Variants in FMN1 observed in about 807,000 individuals in gnomAD.
FMN1 encodes the protein formin-1.
FMN1 carries 110 observed loss-of-function variants against 132.4 expected under a neutral mutation model. That is an observed-to-expected ratio of 0.83 (90% CI 0.71 to 0.97). FMN1 has a LOEUF of 0.97. Ranked by LOEUF, FMN1 falls within the 50% of genes least tolerant of loss-of-function variation. The pLI, the probability that FMN1 is intolerant of heterozygous loss-of-function variation, is 0.00. For missense variants in FMN1, 1,792 were observed against 1,705.3 expected (o/e 1.05, Z -0.90); for synonymous variants, 722 against 651.7 (o/e 1.11, Z -1.64).
chr15:32,793,884 A>T (rs2057180706), intron 19 of FMN1, among the ~76,000 whole-genome samples: 1 of 152,206 alleles, frequency 6.6e-6, no homozygotes, highest in African/African-American at 2.4e-5. Flanking sequence ...TAACAATTTT[A>T]TTTATGGAGC....
intron 9 of FMN1, among the ~76,000 whole-genome samples, chr15:32,928,238 A>G (rs1326366299): frequency 6.6e-6 from 1 of 152,194 alleles, no homozygotes; most frequent in East Asian, 1.9e-4. Flanking sequence ...TATTCGCCTT[A>G]GAAAGATTCT....
At chr15:33,179,905 T>C (rs1364361460) in intron 3 of FMN1, among the ~76,000 whole-genome samples, 1 of 152,166 alleles carries the variant, frequency 6.6e-6, no homozygotes, top group Non-Finnish European at 1.5e-5. Context: ...TCTTCTGCCT[T>C]GAGTGACTAG....
chr15:32,787,549 T>C (rs1258835753), intron 19 of FMN1, among the ~76,000 whole-genome samples: 1 of 152,198 alleles, frequency 6.6e-6, no homozygotes, highest in African/African-American at 2.4e-5. Flanking sequence ...CACCAGAATT[T>C]AGCCTTTAAA....
At chr15:32,850,319 C>A (rs1359371361) in intron 17 of FMN1, among the ~76,000 whole-genome samples, 2 of 151,586 alleles carry the variant, frequency 1.3e-5, no homozygotes, top group African/African-American at 4.9e-5. Context: ...ATGTAATAAC[C>A]TGCTCTTATT....
chr15:33,178,908 C>G (rs1965605602), intron 3 of FMN1, among the ~76,000 whole-genome samples: 1 of 152,198 alleles, frequency 6.6e-6, no homozygotes, highest in African/African-American at 2.4e-5. Flanking sequence ...TTGTCACCAT[C>G]TTTGTATTCC....
Position 33,017,488 on chromosome 15 carries a change from T to C in FMN1, c.2162-9413A>G, listed in dbSNP as rs920225792. Among the ~76,000 whole-genome samples the C allele has an allele frequency of 1.1e-4, 16 of 152,124 alleles. No individual in the cohort carries two copies. In the South Asian group the frequency reaches 3.3e-3, roughly 32 times the overall value. ...CTCTAAAAATAGTTGATTTTTTTTTTCAAAAAAGAAGTGAATTATCAGTGA... is the reference window on the plus strand; with the variant it reads ...CTCTAAAAATAGTTGATTTTTTTTTCCAAAAAAGAAGTGAATTATCAGTGA... On this transcript the variant is annotated intron_variant, in intron 6 of 20. Transcript: ENST00000616417.
chr15:32,846,871 A>G lies in FMN1; in HGVS notation c.3928+10144T>C, dbSNP rs532399243. On this transcript the variant is annotated intron_variant, in intron 17 of 20. Transcript: ENST00000616417. ...TGGTACATATATACCATGGAATACT[A>G]TGCAACCATAAAAAAGGATGAGTTC... Among the ~76,000 whole-genome samples the G allele has an allele frequency of 2.0e-4, 31 of 152,362 alleles. No individual in the cohort carries two copies. In the South Asian group the frequency reaches 2.5e-3, roughly 12 times the overall value.
At position 33,154,370 on chromosome 15, in the gene FMN1, C is replaced by G; in HGVS notation, c.545G>C (p.Arg182Pro). The G allele has an allele frequency of 3.3e-6, 5 of 1,536,158 alleles. No individual in the cohort carries two copies. The highest frequency in any genetic ancestry group is 4.4e-6 in the Non-Finnish European group (5 of 1,146,932). ...LPQKRTKRKG[R>P]GGRESAPLMG... ...CAGAGGAGCTGATTCTCGGCCTCCACGCCCTTTTCTTTTGGTCCTCTTCTG... is the reference window on the plus strand; with the variant it reads ...CAGAGGAGCTGATTCTCGGCCTCCAGGCCCTTTTCTTTTGGTCCTCTTCTG... Residue 182 changes from arginine to proline, a missense_variant, in exon 4 of 21, where the codon CGT (arginine) becomes CCT (proline). Arg to Pro is a moderately radical substitution (Grantham distance 103). This residue lies in a region of FMN1 where 638 missense variants were observed against 645.2 expected (regional missense o/e 0.99). Transcript: ENST00000616417.
intron 20 of FMN1, among the ~76,000 whole-genome samples, chr15:32,775,618 C>T (rs887321680): frequency 7.2e-5 from 11 of 152,270 alleles, no homozygotes; most frequent in Admixed American, 5.9e-4. Context: ...AGGACATGTC[C>T]GGTTAGGTAG....
chr15:32,849,009 A>C (rs1262478476), intron 17 of FMN1, among the ~76,000 whole-genome samples: 1 of 124,106 alleles, frequency 8.1e-6, no homozygotes, highest in African/African-American at 3.0e-5. Flanking sequence ...TCAGAGACAG[A>C]GTCTCACTCT....
At chr15:32,844,735 C>G (rs969783040) in intron 17 of FMN1, among the ~76,000 whole-genome samples, 1 of 152,212 alleles carries the variant, frequency 6.6e-6, no homozygotes, top group African/African-American at 2.4e-5. Context: ...TTATTTGCCA[C>G]TTGAACTTGG....
intron 4 of FMN1, among the ~76,000 whole-genome samples, chr15:33,134,233 G>C (rs1166671642): frequency 6.6e-6 from 1 of 152,184 alleles, no homozygotes; most frequent in Non-Finnish European, 1.5e-5. Flanking sequence ...ACAAGTGTGA[G>C]CCACTACACC....
At chr15:33,019,294 CA>C (rs2035279296) in intron 6 of FMN1, among the ~76,000 whole-genome samples, 1 of 152,186 alleles carries the variant, frequency 6.6e-6, no homozygotes, top group Non-Finnish European at 1.5e-5. Context: ...GAGCGGGACA[CA>C]GAGTGCTGAT....
At chr15:33,041,543 TA>T (rs2036441229) in intron 6 of FMN1, among the ~76,000 whole-genome samples, 1 of 151,394 alleles carries the variant, frequency 6.6e-6, no homozygotes. Context: ...ACAATCTGAT[TA>T]AAAAATAGGC....
intron 4 of FMN1, among the ~76,000 whole-genome samples, chr15:33,145,861 A>G (rs2061075): frequency 0.92 from 139,596 of 152,072 alleles, 64,134 homozygotes; most frequent in East Asian, 1. Context: ...AGCACTTCTG[A>G]GTTCTCCCTC....
intron 10 of FMN1, among the ~76,000 whole-genome samples, chr15:32,919,490 G>A (rs2060768141): frequency 6.6e-6 from 1 of 152,152 alleles, no homozygotes; most frequent in Non-Finnish European, 1.5e-5. Flanking sequence ...TGAGCCTTGA[G>A]ATATCAGGCT....
intron 15 of FMN1, among the ~76,000 whole-genome samples, chr15:32,892,067 C>T (rs1255154809): frequency 6.6e-6 from 1 of 152,160 alleles, no homozygotes; most frequent in Admixed American, 6.5e-5. Context: ...TGTCTGATTG[C>T]TCTGGCTAGG....
At chr15:33,108,351 TG>T (rs1353386766) in intron 4 of FMN1, among the ~76,000 whole-genome samples, 3 of 152,018 alleles carry the variant, frequency 2.0e-5, no homozygotes, top group African/African-American at 7.2e-5. Flanking sequence ...TCAGTGGGTG[TG>T]AATCTTCTAT....
chr15:33,032,847 G>A (rs1000261512), intron 6 of FMN1, among the ~76,000 whole-genome samples: 2 of 151,294 alleles, frequency 1.3e-5, no homozygotes, highest in Admixed American at 1.3e-4. Flanking sequence ...ACCTGGGGGG[G>A]TTATTTTACT....
Sources: allele counts gnomAD v4.1 joint callset (sites outside exome capture counted in the v4.1 genomes callset), GRCh38; gene constraint gnomAD v4.1.1; regional missense constraint gnomAD v4.1.1; transcripts MANE v1.5; gene names NCBI Gene and HGNC (gene_info 2026-07-23, HGNC 2026-07-21).